The following MFSD6 variants were observed in gnomAD, a reference collection of about 807,000 sequenced individuals.
MFSD6 encodes the protein major facilitator superfamily domain-containing protein 6.
Under a neutral mutation model 56.3 loss-of-function variants are expected in MFSD6, and 26 were observed. The ratio of observed to expected loss-of-function variants is 0.46; its 90% CI spans 0.34 to 0.64. MFSD6 has a LOEUF of 0.64. Among genes scored for constraint, MFSD6 ranks in the 30% least tolerant of loss-of-function variants. The pLI, the probability that MFSD6 is intolerant of heterozygous loss-of-function variation, is 0.01. For synonymous variants in MFSD6, 331 were observed against 366.9 expected (o/e 0.90, Z 1.12); for missense variants, 750 against 986.2 (o/e 0.76, Z 3.21).
chr2:190,408,162 G>A (rs1278784634), upstream of MFSD6, among the ~76,000 whole-genome samples: 2 of 151,832 alleles, frequency 1.3e-5, no homozygotes, highest in African/African-American at 4.8e-5. Context: ...CCGGTCCTCA[G>A]CGCCCGGCCC....
At chr2:190,482,682 T>C (rs1444919346) in intron 4 of MFSD6, among the ~76,000 whole-genome samples, 1 of 152,008 alleles carries the variant, frequency 6.6e-6, no homozygotes, top group African/African-American at 2.4e-5. Context: ...CTTTTTTTCC[T>C]GCTCATACAT....
chr2:190,418,355 T>G lies in MFSD6; in HGVS notation c.-54+2942T>G, dbSNP rs1490367175. ...ATGATAGTATAATCCACTGATTCCC[T>G]GTTGAAGTGCAAATATGTTGTCAAG... is the stretch of plus-strand genomic sequence containing the variant. On this transcript the variant is annotated intron_variant, in intron 2 of 7. Coordinates refer to ENST00000392328, the MANE Select transcript of MFSD6 (RefSeq NM_017694.4). The surrounding 1 kb of genome is among the most constrained non-coding windows in gnomAD (Gnocchi z 4.1). Among the ~76,000 whole-genome samples the G allele has an allele frequency of 6.6e-6, 1 of 152,210 alleles. No individual in the cohort carries two copies. Among genetic ancestry groups the G allele is most frequent in the Non-Finnish European group, 1.5e-5 (1 of 68,024 alleles).
chr2:190,474,489 A>G (rs564989082), intron 4 of MFSD6, among the ~76,000 whole-genome samples: 68 of 151,566 alleles, frequency 4.5e-4, no homozygotes, highest in African/African-American at 1.6e-3. Flanking sequence ...ATTCCTTGAC[A>G]CAAACAACCT....
At position 190,433,129 on chromosome 2, in the gene MFSD6, GGTGT is replaced by G. The variant is rs1016827253; in HGVS notation, c.-53-2839_-53-2836del. 5.3e-5 allele frequency among the ~76,000 whole-genome samples: 8 copies of G among 151,798 alleles called. No individual in the cohort carries two copies. Among genetic ancestry groups the G allele is most frequent in the African/African-American group, 1.9e-4 (8 of 41,296 alleles). On this transcript the variant is annotated intron_variant, in intron 2 of 7. Coordinates refer to ENST00000392328, the MANE Select transcript of MFSD6 (RefSeq NM_017694.4). The surrounding 1 kb of genome is among the most constrained non-coding windows in gnomAD (Gnocchi z 4.5). ...CTTTTACAGTGTGTGTGTATGTTTG[GGTGT>G]GTGTGTGTTTATTGTCATTTTAGTG...
chr2:190,456,668 C>A lies in MFSD6; in HGVS notation c.1533-13090C>A, dbSNP rs1367385572. Among the ~76,000 whole-genome samples the A allele has an allele frequency of 6.6e-6, 1 of 152,188 alleles. No homozygotes were observed. The highest frequency in any genetic ancestry group is 1.9e-4 in the East Asian group (1 of 5,194). On this transcript the variant is annotated intron_variant, in intron 3 of 7. Coordinates refer to ENST00000392328, the MANE Select transcript of MFSD6 (RefSeq NM_017694.4). The surrounding 1 kb of genome is among the most constrained non-coding windows in gnomAD (Gnocchi z 5.4). ...CCTGTGTATGGTGCCCCATCCCTGACAAGGCAAGCATCCACTTCTGATTAT... is the reference window on the plus strand; with the variant it reads ...CCTGTGTATGGTGCCCCATCCCTGAAAAGGCAAGCATCCACTTCTGATTAT...
intron 2 of MFSD6, among the ~76,000 whole-genome samples, chr2:190,421,735 A>T (rs576846341): frequency 1.0e-3 from 153 of 151,290 alleles, no homozygotes; most frequent in East Asian, 5.6e-3. Flanking sequence ...TAAAAAAAAA[A>T]TTTTTTTTAA....
chr2:190,426,612 C>T lies in MFSD6; in HGVS notation c.-53-9365C>T, dbSNP rs1461107724. Among the ~76,000 whole-genome samples, 1 of 152,160 alleles carries T rather than the reference C, an allele frequency of 6.6e-6. No homozygotes were observed. The highest frequency in any genetic ancestry group is 1.5e-5 in the Non-Finnish European group (1 of 68,020). On this transcript the variant is annotated intron_variant, in intron 2 of 7. Coordinates refer to ENST00000392328, the MANE Select transcript of MFSD6 (RefSeq NM_017694.4). The surrounding 1 kb of genome is among the most constrained non-coding windows in gnomAD (Gnocchi z 4.7). ...ACATTGTACACAACAGGTAACTTTTCAGCCCTCATCCCCCTCCCATTCTCC... is the reference window on the plus strand; with the variant it reads ...ACATTGTACACAACAGGTAACTTTTTAGCCCTCATCCCCCTCCCATTCTCC...
intron 3 of MFSD6, among the ~76,000 whole-genome samples, chr2:190,455,695 A>G (rs1168887749): frequency 2.6e-5 from 4 of 152,062 alleles, no homozygotes; most frequent in Admixed American, 2.0e-4. Context: ...AATTGTTAGT[A>G]TGGAGGGTGG....
chr2:190,411,946 A>G (rs1690580753), intron 1 of MFSD6: 3 of 985,404 alleles, frequency 3.0e-6, no homozygotes, highest in African/African-American at 3.5e-5. Flanking sequence ...TGTACAGAAC[A>G]ATCTGGTAGA....
Position 190,416,264 on chromosome 2 carries a change from T to C in MFSD6, c.-54+851T>C, listed in dbSNP as rs550778942. ...GTCTTTATTACTAAAGTCATCTTTATGGTTATAAGCTATTTCCTCCAACCC... is the reference window on the plus strand; with the variant it reads ...GTCTTTATTACTAAAGTCATCTTTACGGTTATAAGCTATTTCCTCCAACCC... On this transcript the variant is annotated intron_variant, in intron 2 of 7. Transcript: ENST00000392328. This position sits in a 1 kb window ranked among gnomAD's most constrained non-coding sequence, Gnocchi z 4.1. Among the ~76,000 whole-genome samples the C allele has an allele frequency of 6.4e-4, 98 of 152,352 alleles. No homozygotes were observed. Among genetic ancestry groups the C allele is most frequent in the African/African-American group, 2.2e-3 (92 of 41,584 alleles).
rs1047366850 is a variant in MFSD6, at chr2:190,500,593, T to G, written c.*375T>G. 1 of 184,678 alleles carries G rather than the reference T, an allele frequency of 5.4e-6. No homozygotes were observed. The highest frequency in any genetic ancestry group is 2.3e-5 in the African/African-American group (1 of 42,674). The allele number at this position is 184,678 out of a possible 1,614,324, so 11.4% of individuals were successfully genotyped here. ...GAGGTGAATGTGGATATAATTTCCC[T>G]CTTCTGATTATTTATTCTTATTTGG... On this transcript the variant is annotated 3_prime_UTR_variant, in exon 8 of 8. Coordinates refer to ENST00000392328, the MANE Select transcript of MFSD6 (RefSeq NM_017694.4). This position sits in a 1 kb window ranked among gnomAD's most constrained non-coding sequence, Gnocchi z 5.3.
At chr2:190,435,459 G>A (rs1436569588) in intron 2 of MFSD6, 1 of 152,850 alleles carries the variant, frequency 6.5e-6, no homozygotes, top group Admixed American at 6.5e-5. Flanking sequence ...TGGCTCCAGT[G>A]AGCACTATAG....
intron 4 of MFSD6, among the ~76,000 whole-genome samples, chr2:190,482,903 T>TTTTTTTTTTTTTTTTTTTTTTTTTTTGG (rs544591315): frequency 1.2e-5 from 1 of 86,228 alleles, no homozygotes; most frequent in African/African-American, 4.5e-5. Flanking sequence ...TTTTTTTTTT[T>TTTTTTTTTTTTTTTTTTTTTTTTTTTGG]AGACGGAGTC....
intron 4 of MFSD6, among the ~76,000 whole-genome samples, chr2:190,483,226 A>G (rs760322712): frequency 6.6e-6 from 1 of 152,062 alleles, no homozygotes; most frequent in Non-Finnish European, 1.5e-5. Flanking sequence ...CTTGTGGGGT[A>G]TGTTTGATAT....
rs763170510 is a variant in MFSD6 at position 190,496,939 on chromosome 2, A to G, written c.1892-500A>G. Among the ~76,000 whole-genome samples, 16 of 152,200 alleles carry G rather than the reference A, an allele frequency of 1.1e-4. No individual in the cohort carries two copies. Among genetic ancestry groups the G allele is most frequent in the Non-Finnish European group, 1.9e-4 (13 of 68,030 alleles). ...GGGTGGGAAAGGGGTGAGGGATACA[A>G]GACTACAAATTGGGTTCATTGTATA... On this transcript the variant is annotated intron_variant, in intron 6 of 7. Transcript: ENST00000392328. This position sits in a 1 kb window ranked among gnomAD's most constrained non-coding sequence, Gnocchi z 4.7.
At position 190,495,436 on chromosome 2, in the gene MFSD6, C is replaced by A. The variant is rs966766156; in HGVS notation, c.1892-2003C>A. Reference sequence around the variant, plus strand: ...TGACCATACTGCTAAAAGCAATCTACAAATTCAATGCAATTCCCATCAAAT... The same window carrying A: ...TGACCATACTGCTAAAAGCAATCTAAAAATTCAATGCAATTCCCATCAAAT... On this transcript the variant is annotated intron_variant, in intron 6 of 7. Coordinates refer to ENST00000392328, the MANE Select transcript of MFSD6 (RefSeq NM_017694.4). This position sits in a 1 kb window ranked among gnomAD's most constrained non-coding sequence, Gnocchi z 4.7. 6.6e-6 allele frequency among the ~76,000 whole-genome samples: 1 copy of A among 152,054 alleles called. No homozygotes were observed. The highest frequency in any genetic ancestry group is 2.4e-5 in the African/African-American group (1 of 41,424).
At position 190,488,836 on chromosome 2, in the gene MFSD6, C is replaced by CT. The variant is rs752166281; in HGVS notation, c.1792+26dup. On this transcript the variant is annotated intron_variant, in intron 5 of 7. Transcript: ENST00000392328. This position sits in a 1 kb window ranked among gnomAD's most constrained non-coding sequence, Gnocchi z 6.4. ...TTATTTTGGTAAGAATGGCTTTCTC[C>CT]TTTTTTTTCTTTTCTATTATTAAAA... The CT allele has an allele frequency of 5.0e-5, 76 of 1,513,640 alleles. No homozygotes were observed. Among genetic ancestry groups the CT allele is most frequent in the South Asian group, 1.3e-4 (10 of 76,556 alleles). The allele number at this position is 1,513,640 out of a possible 1,614,324, so 93.8% of individuals were successfully genotyped here.
At chr2:190,474,265 A>G (rs576284358) in intron 4 of MFSD6, among the ~76,000 whole-genome samples, 18 of 152,306 alleles carry the variant, frequency 1.2e-4, no homozygotes, top group Middle Eastern at 3.4e-3. Context: ...CAAAAAATCA[A>G]TGAATCCAGG....
rs1364557129 is a variant in MFSD6 at position 190,433,570 on chromosome 2, A to G, written c.-53-2407A>G. The stretch of plus-strand genomic sequence containing the variant: ...TTGTGAATATAGTAAATTACCGCTG[A>G]ATTGTTCACTTTCAAAATGGTTAAT... On this transcript the variant is annotated intron_variant, in intron 2 of 7. Coordinates refer to ENST00000392328, the MANE Select transcript of MFSD6 (RefSeq NM_017694.4). This position sits in a 1 kb window ranked among gnomAD's most constrained non-coding sequence, Gnocchi z 4.5. 3.9e-5 allele frequency among the ~76,000 whole-genome samples: 6 copies of G among 152,226 alleles called. No homozygotes were observed. Among genetic ancestry groups the G allele is most frequent in the African/African-American group, 1.4e-4 (6 of 41,460 alleles).
Sources: allele counts gnomAD v4.1 joint callset (sites outside exome capture counted in the v4.1 genomes callset), GRCh38; gene constraint gnomAD v4.1.1; non-coding constraint Gnocchi (gnomAD v3.1); transcripts MANE v1.5; gene names NCBI Gene and HGNC (gene_info 2026-07-23, HGNC 2026-07-21).